Variants in LEF1 observed in about 807,000 individuals in gnomAD.
The protein encoded by LEF1 is lymphoid enhancer binding factor 1, also known as lymphoid enhancer-binding factor 1.
In LEF1, 14 loss-of-function variants were observed where a neutral mutation model predicts 51.2. That is an observed-to-expected ratio of 0.27 (90% confidence interval 0.18 to 0.43). LEF1 has a LOEUF of 0.43. Ranked by LOEUF, LEF1 falls within the 20% of genes least tolerant of loss-of-function variation. The pLI is 1.00. For synonymous variants in LEF1, 185 were observed against 183.2 expected, an observed-to-expected ratio of 1.01 and a Z score of -0.08; for missense variants, 386 against 512.0, an observed-to-expected ratio of 0.75 and a Z score of 2.37.
chr4:108,073,544 AT>A (rs1738635677), intron 8 of LEF1, among the ~76,000 whole-genome samples: 1 of 152,214 alleles, frequency 6.6e-6, no homozygotes. Context: ...TTTGACAACT[AT>A]CATTCCCCTA....
chr4:108,057,214 C>T (rs376012406), intron 11 of LEF1, among the ~76,000 whole-genome samples: 28 of 152,146 alleles, frequency 1.8e-4, no homozygotes, highest in African/African-American at 6.3e-4. Context: ...CATTTTTTCA[C>T]TTTCTAGTTG....
chr4:108,092,917 T>TAA (rs71592104), intron 3 of LEF1, among the ~76,000 whole-genome samples: 324 of 31,066 alleles, frequency 0.01, 2 homozygotes, highest in Middle Eastern at 0.033. Flanking sequence ...AATGAATATG[T>TAA]AAAAAAAAAA....
intron 3 of LEF1, among the ~76,000 whole-genome samples, chr4:108,162,148 A>T (rs1211154414): frequency 6.6e-6 from 1 of 152,184 alleles, no homozygotes; most frequent in Non-Finnish European, 1.5e-5. Flanking sequence ...CATCTTTATC[A>T]TTAAATACTT....
chr4:108,110,568 G>C (rs548327764), intron 3 of LEF1, among the ~76,000 whole-genome samples: 1 of 152,262 alleles, frequency 6.6e-6, no homozygotes, highest in East Asian at 1.9e-4. Flanking sequence ...TCCTAAGAAT[G>C]GTATCACTGC....
intron 3 of LEF1, among the ~76,000 whole-genome samples, chr4:108,116,650 C>T (rs1477463510): frequency 6.6e-6 from 1 of 152,224 alleles, no homozygotes; most frequent in East Asian, 1.9e-4. Flanking sequence ...GCCCTGAGGG[C>T]TGTCAAGAGT....
chr4:108,067,500 C>T (rs144335472), intron 9 of LEF1, among the ~76,000 whole-genome samples: 1,944 of 150,920 alleles, frequency 0.013, 15 homozygotes, highest in Middle Eastern at 0.021. Context: ...CAAACTACAC[C>T]CAAAAGACAC....
chr4:108,075,416 TA>T (rs1189484282), intron 8 of LEF1: 1 of 152,244 alleles, frequency 6.6e-6, no homozygotes, highest in Non-Finnish European at 1.5e-5. Context: ...CATGATCCTC[TA>T]TGTTTCACAA....
chr4:108,051,520 C>T (rs1156343225), intron 11 of LEF1, among the ~76,000 whole-genome samples: 2 of 152,204 alleles, frequency 1.3e-5, no homozygotes, highest in African/African-American at 4.8e-5. Context: ...TGAAGCTGGG[C>T]CAGGCCAGGC....
chr4:108,106,356 G>A (rs1741167664), intron 3 of LEF1, among the ~76,000 whole-genome samples: 3 of 152,298 alleles, frequency 2.0e-5, no homozygotes. Flanking sequence ...CAGGCAGGAG[G>A]TAATAAGGAA....
intron 9 of LEF1, among the ~76,000 whole-genome samples, chr4:108,067,793 G>A (rs1738179606): frequency 6.6e-6 from 1 of 151,848 alleles, no homozygotes; most frequent in Non-Finnish European, 1.5e-5. Context: ...GCCTTCCAAA[G>A]TGCTAGGATC....
intron 8 of LEF1, among the ~76,000 whole-genome samples, chr4:108,076,411 C>T (rs774439337): frequency 6.6e-6 from 1 of 152,162 alleles, no homozygotes; most frequent in Non-Finnish European, 1.5e-5. Flanking sequence ...TTCTGTTGCC[C>T]AGGCTAGAGA....
At chr4:108,064,231 T>A in intron 10 of LEF1, 105 bp downstream of exon 10, 1 of 695,402 alleles carries the variant, frequency 1.4e-6, no homozygotes, top group Non-Finnish European at 2.5e-6. Context: ...TAAAGCATCA[T>A]AAGTTACAGT....
At chr4:108,135,593 G>A (rs1743211536) in intron 3 of LEF1, among the ~76,000 whole-genome samples, 1 of 152,182 alleles carries the variant, frequency 6.6e-6, no homozygotes, top group African/African-American at 2.4e-5. Flanking sequence ...GTACAGTGCT[G>A]TGTCTGCTAG....
chr4:108,078,370 A>T lies in LEF1; in HGVS notation c.858T>A (p.His286Gln). The change falls in exon 8 of 12, where the codon CAT becomes CAA. Residue 286 changes from histidine to glutamine, a missense_variant. Physicochemically the swap from His to Gln is conservative, Grantham distance 24. Coordinates refer to ENST00000265165, the MANE Select transcript of LEF1 (RefSeq NM_016269.5). ...TTGGCTCCTGCTCCTTTCTCTGTTC[A>T]TGCTGAGGCTTCCTAAAAGGTGGTG... ...DSDLMHVKPQ[H>Q]EQRKEQEPKR... The T allele has an allele frequency of 6.2e-7, 1 of 1,614,050 alleles. No individual in the cohort carries two copies. The highest frequency in any genetic ancestry group is 8.5e-7 in the Non-Finnish European group (1 of 1,180,006).
At chr4:108,147,935 A>T (rs1471534330) in intron 3 of LEF1, among the ~76,000 whole-genome samples, 1 of 152,256 alleles carries the variant, frequency 6.6e-6, no homozygotes, top group Non-Finnish European at 1.5e-5. Context: ...TGACATATGT[A>T]AATAAATGAA....
intron 3 of LEF1, among the ~76,000 whole-genome samples, chr4:108,115,090 G>T (rs1472394783): frequency 1.3e-5 from 2 of 152,196 alleles, no homozygotes; most frequent in East Asian, 1.9e-4. Context: ...AGGTTGTAAG[G>T]CTTCAAATAA....
intron 11 of LEF1, among the ~76,000 whole-genome samples, chr4:108,050,773 A>G (rs1461573794): frequency 6.6e-6 from 1 of 152,152 alleles, no homozygotes; most frequent in Non-Finnish European, 1.5e-5. Flanking sequence ...GCAGCCAGGA[A>G]CGCCTGAGGG....
Position 108,165,174 on chromosome 4 carries a change from G to T in LEF1, c.214-11C>A, listed in dbSNP as rs768996954. On this transcript the variant is annotated splice_polypyrimidine_tract_variant and intron_variant, in intron 1 of 11. Transcript: ENST00000265165. ...TGCTTGTCTGGCCACCTAACATCAT[G>T]AATCCCCACACCCAAAAGAAAGAAA... The T allele has an allele frequency of 3.7e-6, 6 of 1,613,154 alleles. No individual in the cohort carries two copies. In the East Asian group the frequency reaches 1.3e-4, roughly 36 times the overall value.
rs560292178 is a variant in LEF1 at position 108,146,996 on chromosome 4, G to A, written c.414+16572C>T. Among the ~76,000 whole-genome samples, 6 of 152,264 alleles carry A rather than the reference G, an allele frequency of 3.9e-5. No individual in the cohort carries two copies. In the South Asian group the frequency reaches 1.2e-3, roughly 32 times the overall value. On this transcript the variant is annotated intron_variant, in intron 3 of 11. Transcript: ENST00000265165. Reference sequence around the variant, plus strand: ...TCAGATAAGAAAACTGAGGCTCAGTGGGGTGCGGTGGCTCATACCTGAATC... The same window carrying A: ...TCAGATAAGAAAACTGAGGCTCAGTAGGGTGCGGTGGCTCATACCTGAATC...
Sources: allele counts gnomAD v4.1 joint callset (sites outside exome capture counted in the v4.1 genomes callset), GRCh38; gene constraint gnomAD v4.1.1; transcripts MANE v1.5; gene names NCBI Gene and HGNC (gene_info 2026-07-23, HGNC 2026-07-21).